Variants in PKD1L3 observed in about 807,000 individuals in gnomAD.
The protein encoded by PKD1L3 is polycystin 1 like 3, transient receptor potential channel interacting, also known as polycystin-1-like protein 3.
PKD1L3 carries 239 observed loss-of-function variants against 184.1 expected under a neutral mutation model. The observed-to-expected ratio is 1.30, with a 90% CI of 1.17 to 1.45. The LOEUF is 1.45. Among genes scored for constraint, PKD1L3 ranks in the 40% most tolerant of loss-of-function variants. The pLI, the probability that PKD1L3 is intolerant of heterozygous loss-of-function variation, is 0.00. For missense variants in PKD1L3, 2,660 were observed against 2,067.2 expected, an observed-to-expected ratio of 1.29 and a Z score of -5.56; for synonymous variants, 996 against 778.8, an observed-to-expected ratio of 1.28 and a Z score of -4.64.
intron 9 of PKD1L3, 92 bp from the exon 10 acceptor site, chr16:71,978,475 ATG>A (rs67658205): frequency 4.0e-4 from 153 of 385,788 alleles, no homozygotes; most frequent in Admixed American, 7.5e-4. Context: ...ATATGTATAT[ATG>A]TGTGTGTGTG....
intron 1 of PKD1L3, among the ~76,000 whole-genome samples, chr16:71,998,742 C>T (rs111306699): frequency 1.4e-4 from 21 of 152,310 alleles, no homozygotes; most frequent in Admixed American, 3.3e-4. Context: ...TGAGCCACCA[C>T]ACCCACCCTG....
intron 5 of PKD1L3, among the ~76,000 whole-genome samples, chr16:71,984,943 A>C (rs888709379): frequency 2.6e-5 from 4 of 152,162 alleles, no homozygotes; most frequent in Admixed American, 1.3e-4. Flanking sequence ...CTGCCCTAAG[A>C]AACAGACTGA....
chr16:71,974,204 G>A (rs547125948), intron 11 of PKD1L3, among the ~76,000 whole-genome samples: 62 of 152,164 alleles, frequency 4.1e-4, no homozygotes, highest in Non-Finnish European at 6.5e-4. Context: ...AGGACTGCAC[G>A]CTAGGGACCG....
rs368934632 is a variant in PKD1L3 at position 71,990,346 on chromosome 16, G to A, written c.536-17C>T. 1.3e-6 allele frequency: 2 copies of A among 1,537,592 alleles called. No individual in the cohort carries two copies. The highest frequency in any genetic ancestry group is 1.4e-5 in the African/African-American group (1 of 72,630). On this transcript the variant is annotated splice_polypyrimidine_tract_variant and intron_variant, in intron 3 of 29. Transcript: ENST00000620267. ...GACCAGGTCCTATAGAAAAAAGAAA[G>A]CAGACTAAGTTCAAGTAAAAGCCTA... is the stretch of plus-strand genomic sequence containing the variant.
intron 10 of PKD1L3, among the ~76,000 whole-genome samples, chr16:71,977,759 C>T (rs1225569313): frequency 6.6e-6 from 1 of 151,348 alleles, no homozygotes; most frequent in Non-Finnish European, 1.5e-5. Context: ...TACATAGTCC[C>T]AGACCTATAA....
At chr16:71,945,305 T>TATATATAC (rs1328351114) in intron 22 of PKD1L3, among the ~76,000 whole-genome samples, 7 of 59,388 alleles carry the variant, frequency 1.2e-4, no homozygotes, top group Non-Finnish European at 2.2e-4. Context: ...TATATATATA[T>TATATATAC]ACACACACAC....
In PKD1L3 at chr16:71,969,973, T is replaced by C; in HGVS notation, c.2086A>G (p.Asn696Asp). 6.4e-7 allele frequency: 1 copy of C among 1,551,802 alleles called. No individual in the cohort carries two copies. Among genetic ancestry groups the C allele is most frequent in the Non-Finnish European group, 8.7e-7 (1 of 1,147,030 alleles). Reference sequence around the variant, plus strand: ...AGCAGTGACACCCCAACAGGATTGTTGGTCACGCGAAGGAACAGTTTGATC... The same window carrying C: ...AGCAGTGACACCCCAACAGGATTGTCGGTCACGCGAAGGAACAGTTTGATC... ...DTIKLFLRVT[N>D]NPVGVSLLAS... Residue 696 changes from asparagine (N) to aspartate (D), a missense_variant, in exon 13 of 30, where the codon AAC (asparagine) becomes GAC (aspartate). Asn to Asp is a conservative substitution (Grantham distance 23). Transcript: ENST00000620267.
intron 13 of PKD1L3, among the ~76,000 whole-genome samples, chr16:71,969,211 G>A (rs1241759117): frequency 1.3e-5 from 2 of 152,044 alleles, no homozygotes; most frequent in African/African-American, 4.8e-5. Flanking sequence ...GATTACAGGC[G>A]TGAGCCACTG....
At chr16:71,992,526 G>A (rs2040629425) in intron 3 of PKD1L3, among the ~76,000 whole-genome samples, 1 of 152,118 alleles carries the variant, frequency 6.6e-6, no homozygotes, top group South Asian at 2.1e-4. Flanking sequence ...GGATTTAACA[G>A]TTTTCCAAAA....
At position 71,963,216 on chromosome 16, in the gene PKD1L3, G is replaced by C; in HGVS notation, c.2601C>G (p.Leu867=). 6.5e-7 allele frequency: 1 copy of C among 1,549,422 alleles called. No individual in the cohort carries two copies. The highest frequency in any genetic ancestry group is 8.7e-7 in the Non-Finnish European group (1 of 1,145,982). ...RVFIPVSKRE[L]FSFRHLFSSM... is the part of the protein sequence containing the mutation. ...TTTTCCAACAGTACCTAAAGGAAAA[G>C]AGCTCTCTCTTTGAAACTGGGATGA... Residue 867 remains leucine (L), a synonymous_variant, in exon 16 of 30, where the codon CTC becomes CTG. Coordinates refer to ENST00000620267, the MANE Select transcript of PKD1L3 (RefSeq NM_181536.2).
chr16:71,964,553 A>C (rs543552586), intron 15 of PKD1L3, among the ~76,000 whole-genome samples: 2 of 151,322 alleles, frequency 1.3e-5, no homozygotes, highest in East Asian at 3.9e-4. Flanking sequence ...TATAGCCAGG[A>C]TGGTCTCGAT....
At chr16:71,935,703 AC>A (rs1199083131) in intron 25 of PKD1L3, among the ~76,000 whole-genome samples, 185 bp from the exon 26 acceptor site, 3 of 152,256 alleles carry the variant, frequency 2.0e-5, no homozygotes, top group African/African-American at 7.2e-5. Context: ...AATGCTGCTT[AC>A]AAAAAAGTTA....
intron 2 of PKD1L3, among the ~76,000 whole-genome samples, chr16:71,995,261 G>T (rs2040746942): frequency 7.2e-6 from 1 of 137,938 alleles, no homozygotes; most frequent in South Asian, 2.1e-4. Flanking sequence ...AGCCCTGTAG[G>T]CCAACCCACC....
At chr16:71,969,019 C>T (rs577803764) in intron 13 of PKD1L3, among the ~76,000 whole-genome samples, 1 of 152,146 alleles carries the variant, frequency 6.6e-6, no homozygotes, top group South Asian at 2.1e-4. Context: ...CAACCTCTGT[C>T]TCCCGGGCTC....
At chr16:71,960,516 C>T (rs2039235996) in intron 16 of PKD1L3, among the ~76,000 whole-genome samples, 1 of 151,298 alleles carries the variant, frequency 6.6e-6, no homozygotes, top group Non-Finnish European at 1.5e-5. Context: ...AAAGTGTCAA[C>T]AGGATCAAAG....
intron 4 of PKD1L3, among the ~76,000 whole-genome samples, chr16:71,986,785 G>A (rs537846306): frequency 2.0e-5 from 3 of 152,246 alleles, no homozygotes; most frequent in Admixed American, 2.0e-4. Context: ...CGCTTGTCGA[G>A]CCCCTGTGTT....
chr16:71,986,316 A>C lies in PKD1L3; in HGVS notation c.739T>G (p.Ser247Ala), dbSNP rs1353760644. ...GGGCTTGAAGTTGTTTCTGCCAGAG[A>C]TTGCCCAGCATGCGTGACAGACACG... ...MPVSVTHAGQ[S>A]LAETTSSPKE... The change falls in exon 5 of 30, where the codon TCT becomes GCT. Residue 247 changes from serine (S) to alanine (A), a missense_variant. Physicochemically the swap from Ser to Ala is moderately conservative, Grantham distance 99 (BLOSUM62 1). Transcript: ENST00000620267. 6.4e-7 allele frequency: 1 copy of C among 1,552,072 alleles called. No individual in the cohort carries two copies. Among genetic ancestry groups the C allele is most frequent in the South Asian group, 1.2e-5 (1 of 84,056 alleles).
Position 71,944,166 on chromosome 16 carries a change from T to A in PKD1L3, c.3723A>T (p.Lys1241Asn), listed in dbSNP as rs111535556. Residue 1241 changes from lysine (K) to asparagine (N), a missense_variant, in exon 23 of 30, where the codon AAA becomes AAT. Transcript: ENST00000620267. ...TTGAACCTGGTACTGACGAAGAACA[T>A]TTTGCTGTCAAAAATTCAAATATAG... ...QTKRILALLAKCSSSVPGSRD... is the reference protein window; with the variant it reads ...QTKRILALLANCSSSVPGSRD... 1.5e-5 allele frequency: 23 copies of A among 1,548,484 alleles called. No individual in the cohort carries two copies. The African/African-American group carries it at 3.2e-4, about 21-fold the overall frequency.
chr16:71,994,502 GT>G (rs1367477745), intron 2 of PKD1L3, among the ~76,000 whole-genome samples: 1 of 151,996 alleles, frequency 6.6e-6, no homozygotes, highest in Non-Finnish European at 1.5e-5. Context: ...CCCTCTAGTT[GT>G]TTGGTAGCTC....
Sources: gnomAD v4.1 joint callset for allele counts (sites outside exome capture counted in the v4.1 genomes callset) on GRCh38, gnomAD v4.1.1 for gene constraint, MANE v1.5 for transcripts, NCBI Gene and HGNC (gene_info 2026-07-23, HGNC 2026-07-21) for gene names.